Variants in SYNE2 observed in about 807,000 individuals in gnomAD.
The protein encoded by SYNE2 is spectrin repeat containing nuclear envelope protein 2.
Under a neutral mutation model 856.3 loss-of-function variants are expected in SYNE2, and 431 were observed. The observed-to-expected ratio is 0.50, with a 90% CI of 0.47 to 0.55. The LOEUF (loss-of-function observed/expected upper bound fraction) is 0.55. Among genes scored for constraint, SYNE2 ranks in the 20% least tolerant of loss-of-function variants. The pLI, the probability that SYNE2 is intolerant of heterozygous loss-of-function variation, is 0.00. For missense variants in SYNE2, 8,129 were observed against 8,023.2 expected, an observed-to-expected ratio of 1.01 and a Z score of -0.50; for synonymous variants, 2,923 against 2,872.3, an observed-to-expected ratio of 1.02 and a Z score of -0.56.
chr14:64,192,974 G>A (rs925097083), intron 99 of SYNE2, among the ~76,000 whole-genome samples: 3 of 152,242 alleles, frequency 2.0e-5, no homozygotes, highest in African/African-American at 7.2e-5. Context: ...GAATCTGTGG[G>A]TTGAGGCAGC....
chr14:63,944,333 T>C (rs1179313623), intron 6 of SYNE2, among the ~76,000 whole-genome samples: 1 of 148,836 alleles, frequency 6.7e-6, no homozygotes, highest in Non-Finnish European at 1.5e-5. Flanking sequence ...GGCATGATGT[T>C]TGTTGTAAAG....
At chr14:64,114,416 G>A (rs1488384789) in intron 66 of SYNE2, among the ~76,000 whole-genome samples, 1 of 152,082 alleles carries the variant, frequency 6.6e-6, no homozygotes, top group Non-Finnish European at 1.5e-5. Flanking sequence ...ACATCCTCTT[G>A]TCTCAGAGTT....
chr14:64,076,235 G>A (rs993935138), intron 54 of SYNE2, 135 bp downstream of exon 54: 5 of 904,826 alleles, frequency 5.5e-6, no homozygotes, highest in East Asian at 5.3e-5. Flanking sequence ...TGACCATCGT[G>A]TCTATTGAAT....
chr14:64,019,871 A>G, intron 34 of SYNE2, 121 bp from the exon 35 acceptor site: 1 of 731,258 alleles, frequency 1.4e-6, no homozygotes, highest in Non-Finnish European at 2.4e-6. Context: ...GACAAAACAC[A>G]CATGATTATG....
At chr14:63,898,018 A>G (rs187039315) in intron 1 of SYNE2, among the ~76,000 whole-genome samples, 91 of 152,300 alleles carry the variant, frequency 6.0e-4, no homozygotes, top group Non-Finnish European at 8.2e-4. Flanking sequence ...TTGTCTTATC[A>G]TGAGCTGCTT....
chr14:63,949,640 G>C (rs1427568021), intron 6 of SYNE2, among the ~76,000 whole-genome samples, 185 bp from the exon 7 acceptor site: 1 of 152,172 alleles, frequency 6.6e-6, no homozygotes, highest in Non-Finnish European at 1.5e-5. Flanking sequence ...TCATTCCTTA[G>C]GAAGCAAAAG....
At chr14:64,078,224 A>G (rs1194285708) in intron 54 of SYNE2, among the ~76,000 whole-genome samples, 2 of 152,238 alleles carry the variant, frequency 1.3e-5, no homozygotes, top group Admixed American at 1.3e-4. Context: ...GTATTACAGT[A>G]CAAATAAAAA....
At chr14:63,778,517 T>C (rs2139728337) in intron 1 of SYNE2, among the ~76,000 whole-genome samples, 1 of 152,194 alleles carries the variant, frequency 6.6e-6, no homozygotes, top group South Asian at 2.1e-4. Context: ...TATTTATTAT[T>C]CTTAAAATTT....
At chr14:63,991,503 A>T (rs1249791987) in intron 21 of SYNE2, among the ~76,000 whole-genome samples, 1 of 152,212 alleles carries the variant, frequency 6.6e-6, no homozygotes, top group African/African-American at 2.4e-5. Context: ...CTTTGCATAC[A>T]TTCTCTGAAT....
chr14:63,771,235 A>AC (rs917278651), intron 1 of SYNE2, among the ~76,000 whole-genome samples: 13 of 150,672 alleles, frequency 8.6e-5, no homozygotes, highest in African/African-American at 3.2e-4. Flanking sequence ...ACGCCCGGCT[A>AC]TTTTTTTTGT....
At chr14:63,888,133 A>T (rs546214857) in intron 1 of SYNE2, among the ~76,000 whole-genome samples, 90 of 152,260 alleles carry the variant, frequency 5.9e-4, no homozygotes, top group Non-Finnish European at 9.6e-4. Flanking sequence ...CCCTTATGTT[A>T]TGGATGAGAA....
rs1439669558 is a variant in SYNE2, at chr14:64,224,507, A to C, written c.20429A>C (p.Asp6810Ala). 1 of 1,613,874 alleles carries C rather than the reference A, an allele frequency of 6.2e-7. No individual in the cohort carries two copies. The highest frequency in any genetic ancestry group is 1.3e-5 in the African/African-American group (1 of 74,848). The part of the protein sequence containing the change: ...LPSFDEVDSG[D>A]QPPATSVPAP... ...AGCTTCGACGAGGTAGACTCGGGGG[A>C]CCAGCCTCCTGCAACATCCGTGCCA... is the stretch of plus-strand genomic sequence containing the variant. The change falls in exon 114 of 116, where the codon GAC becomes GCC. Residue 6810 changes from aspartate (D) to alanine (A), a missense_variant. Transcript: ENST00000555002.
rs565242825 is a variant in SYNE2, at chr14:63,865,717, C to T, written c.-52+12574C>T. Among the ~76,000 whole-genome samples, 9 of 109,752 alleles carry T rather than the reference C, an allele frequency of 8.2e-5. 1 individual carries two copies. The highest frequency in any genetic ancestry group is 1.1e-4 in the African/African-American group (3 of 27,192). 72.0% of individuals were successfully genotyped at this position (109,752 alleles called of 152,430 possible). On this transcript the variant is annotated intron_variant, in intron 1 of 115. Coordinates refer to ENST00000555002, the MANE Select transcript of SYNE2 (RefSeq NM_182914.3). ...ACAAGAGCAAAACTCTGTACCCACC[C>T]CCCCCCCAAAAAAAAAGAAAAGAAA...
chr14:63,813,567 G>A (rs934143599), intron 1 of SYNE2, among the ~76,000 whole-genome samples: 2 of 151,584 alleles, frequency 1.3e-5, no homozygotes, highest in African/African-American at 4.9e-5. Context: ...GGCCCAGGGG[G>A]GTGGATCACG....
chr14:64,159,811 G>T (rs982575920), intron 87 of SYNE2, among the ~76,000 whole-genome samples: 1 of 152,178 alleles, frequency 6.6e-6, no homozygotes, highest in Non-Finnish European at 1.5e-5. Flanking sequence ...AACATCACTG[G>T]AAACATTATA....
rs1217111613 is a variant in SYNE2 at position 63,960,549 on chromosome 14, GCT to G, written c.788-971_788-970del. Among the ~76,000 whole-genome samples the G allele has an allele frequency of 4.6e-5, 7 of 152,004 alleles. No individual in the cohort carries two copies. In the South Asian group the frequency reaches 1.5e-3, roughly 32 times the overall value. ...CCCTGCCTGTGACCCACATTTATTGGCTCTCTGTAAATATTTGTTGCTTTAAG... is the reference window on the plus strand; with the variant it reads ...CCCTGCCTGTGACCCACATTTATTGGCTCTGTAAATATTTGTTGCTTTAAG... On this transcript the variant is annotated intron_variant, in intron 8 of 115. Coordinates refer to ENST00000555002, the MANE Select transcript of SYNE2 (RefSeq NM_182914.3).
intron 88 of SYNE2, 42 bp downstream of exon 88, chr14:64,162,318 C>G: frequency 6.3e-7 from 1 of 1,594,864 alleles, no homozygotes; most frequent in East Asian, 2.2e-5. Context: ...CCAAGTCAGC[C>G]CAACAGATGG....
intron 1 of SYNE2, among the ~76,000 whole-genome samples, chr14:63,809,951 G>C (rs1035161129): frequency 2.6e-5 from 4 of 152,174 alleles, no homozygotes; most frequent in Admixed American, 6.5e-5. Context: ...GGCCAGGTGT[G>C]GTGGCCCATG....
intron 47 of SYNE2, 52 bp from the exon 48 acceptor site, chr14:64,051,505 A>C (rs1432644145): frequency 2.0e-6 from 3 of 1,495,278 alleles, no homozygotes; most frequent in Non-Finnish European, 2.7e-6. Flanking sequence ...CCACATTTTA[A>C]TGTAGAATAA....
Sources: allele counts gnomAD v4.1 joint callset (sites outside exome capture counted in the v4.1 genomes callset), GRCh38; gene constraint gnomAD v4.1.1; transcripts MANE v1.5; gene names NCBI Gene and HGNC (gene_info 2026-07-23, HGNC 2026-07-21).